DST: variants seen among roughly 807,000 people sequenced by gnomAD.
DST encodes bullous pemphigoid antigen.
Under a neutral mutation model 875.2 loss-of-function variants are expected in DST, and 253 were observed. The observed-to-expected ratio is 0.29, with a 90% CI of 0.26 to 0.32. The LOEUF (loss-of-function observed/expected upper bound fraction) is 0.32. DST is among the 10% of genes least tolerant of loss of function. The pLI is 1.00. For missense variants in DST, 8,287 were observed against 9,111.6 expected (o/e 0.91, Z 3.68); for synonymous variants, 3,124 against 3,197.1 (o/e 0.98, Z 0.77).
chr6:56,627,228 T>G lies in DST; in HGVS notation c.4698A>C (p.Ala1566=), dbSNP rs1178251392. The G allele has an allele frequency of 1.2e-6, 2 of 1,612,620 alleles. No individual in the cohort carries two copies. The highest frequency in any genetic ancestry group is 2.2e-5 in the South Asian group (2 of 91,058). ...QSKMDECQKY[A]EQYSATVKDY... ...CCTTCACTGTAGCTGAGTACTGTTC[T>G]GCATATTTTTGACACTCGTCCATTT... The change falls in exon 34 of 104, where the codon GCA becomes GCC. Residue 1566 remains alanine (A), a synonymous_variant. Transcript: ENST00000680361.
intron 3 of DST, among the ~76,000 whole-genome samples, chr6:56,881,779 T>TA (rs556365701): frequency 0.062 from 9,090 of 147,698 alleles, 667 homozygotes; most frequent in African/African-American, 0.18. Context: ...TCTTTATTGG[T>TA]AAAAAAAAAA....
At chr6:56,828,382 C>G (rs2099783296) in intron 4 of DST, among the ~76,000 whole-genome samples, 1 of 152,234 alleles carries the variant, frequency 6.6e-6, no homozygotes, top group African/African-American at 2.4e-5. Context: ...AATGTACTAT[C>G]ACCAACATAA....
At chr6:56,634,045 T>A in intron 27 of DST, 87 bp downstream of exon 27, 1 of 1,508,008 alleles carries the variant, frequency 6.6e-7, no homozygotes, top group South Asian at 1.1e-5. Flanking sequence ...TCCATCCTAT[T>A]CTAAAGCAAA....
intron 3 of DST, among the ~76,000 whole-genome samples, chr6:56,858,697 A>T (rs76420406): frequency 0.017 from 2,531 of 152,258 alleles, 72 homozygotes; most frequent in African/African-American, 0.057. Context: ...CCCAATAGGG[A>T]TATCACTTTG....
At chr6:56,776,624 T>A (rs755729958) in intron 4 of DST, among the ~76,000 whole-genome samples, 24 of 152,286 alleles carry the variant, frequency 1.6e-4, no homozygotes, top group Non-Finnish European at 2.4e-4. Context: ...TCTAAAGTAT[T>A]CTAAAATTAA....
chr6:56,803,231 C>A (rs2153024797), intron 4 of DST, among the ~76,000 whole-genome samples: 1 of 152,326 alleles, frequency 6.6e-6, no homozygotes, highest in Non-Finnish European at 1.5e-5. Flanking sequence ...CTACCATTAA[C>A]TGTAGAACAA....
Position 56,616,795 on chromosome 6 carries a change from T to C in DST, c.4930-2311A>G, listed in dbSNP as rs761923573. The C allele has an allele frequency of 5.4e-5, 87 of 1,614,074 alleles. No homozygotes were observed. Among genetic ancestry groups the C allele is most frequent in the Non-Finnish European group, 7.3e-5 (86 of 1,180,034 alleles). ...TTTCCATAGCTTGAAACACTGACAA[T>C]GTCTTAGAAGAATAAGAATATCCCA... is the stretch of plus-strand genomic sequence containing the variant. On this transcript the variant is annotated intron_variant, in intron 36 of 103. Coordinates refer to ENST00000680361, the MANE Select transcript of DST (RefSeq NM_001374736.1).
intron 4 of DST, among the ~76,000 whole-genome samples, chr6:56,783,211 G>A (rs898086108): frequency 6.6e-6 from 1 of 152,194 alleles, no homozygotes; most frequent in African/African-American, 2.4e-5. Flanking sequence ...TTGATTTGGG[G>A]TGGAGAGTTC....
At chr6:56,788,877 A>T (rs1476868967) in intron 4 of DST, among the ~76,000 whole-genome samples, 2 of 152,160 alleles carry the variant, frequency 1.3e-5, no homozygotes, top group Non-Finnish European at 2.9e-5. Context: ...TAAACTTGTT[A>T]AACTTTTGTA....
intron 2 of DST, among the ~76,000 whole-genome samples, chr6:56,916,294 G>C (rs17752412): frequency 0.19 from 29,336 of 152,100 alleles, 3,015 homozygotes; most frequent in Middle Eastern, 0.26. Context: ...TGAGTGTCCT[G>C]TTGTTGCACA....
At chr6:56,854,553 G>T (rs995571656) in intron 3 of DST, among the ~76,000 whole-genome samples, 1 of 152,080 alleles carries the variant, frequency 6.6e-6, no homozygotes, top group African/African-American at 2.4e-5. Context: ...CATAAAGAAT[G>T]ATTTCTTAAA....
intron 4 of DST, among the ~76,000 whole-genome samples, chr6:56,802,539 A>G (rs950152026): frequency 3.3e-5 from 5 of 152,200 alleles, no homozygotes; most frequent in African/African-American, 1.2e-4. Flanking sequence ...AATTATATCA[A>G]ATATTGACTC....
intron 61 of DST, among the ~76,000 whole-genome samples, chr6:56,542,100 C>T (rs1294319046): frequency 1.8e-4 from 28 of 152,164 alleles, no homozygotes; most frequent in Non-Finnish European, 1.5e-5. Context: ...GGTAAATAAA[C>T]CATGCTCCAG....
intron 4 of DST, among the ~76,000 whole-genome samples, chr6:56,836,430 A>G (rs897073995): frequency 6.6e-6 from 1 of 152,222 alleles, no homozygotes; most frequent in African/African-American, 2.4e-5. Flanking sequence ...TTGCAATTTT[A>G]AATTAAAATT....
At chr6:56,850,543 A>G (rs149263283) in intron 4 of DST, among the ~76,000 whole-genome samples, 1 of 152,336 alleles carries the variant, frequency 6.6e-6, no homozygotes, top group East Asian at 1.9e-4. Context: ...CCTTTGCAAG[A>G]AAGTCCCCAA....
At chr6:56,614,736 AAT>A in intron 36 of DST, 2 of 1,089,324 alleles carry the variant, frequency 1.8e-6, no homozygotes, top group Non-Finnish European at 2.2e-6. Flanking sequence ...CTGTTCCATC[AAT>A]GTTACAAATT....
chr6:56,560,203 A>C, intron 58 of DST, 91 bp downstream of exon 58: 1 of 1,215,342 alleles, frequency 8.2e-7, no homozygotes, highest in South Asian at 2.4e-5. Context: ...AAAATAAGTG[A>C]CTGTTGAATG....
rs536837556 is a variant in DST at position 56,829,472 on chromosome 6, T to C, written c.625+21925A>G. On this transcript the variant is annotated intron_variant, in intron 4 of 103. Coordinates refer to ENST00000680361, the MANE Select transcript of DST (RefSeq NM_001374736.1). ...CAGTCTTGAAGCCTAGCACAAGTAA[T>C]GAAATACAAATGCAATAAATGATTG... Among the ~76,000 whole-genome samples, 97 of 152,298 alleles carry C rather than the reference T, an allele frequency of 6.4e-4. No individual in the cohort carries two copies. The Middle Eastern group carries it at 0.014, about 21-fold the overall frequency.
chr6:56,777,838 G>A (rs1351035680), intron 4 of DST, among the ~76,000 whole-genome samples: 2 of 151,792 alleles, frequency 1.3e-5, no homozygotes, highest in African/African-American at 4.9e-5. Flanking sequence ...CTGGACTACA[G>A]GCATATGCCA....
Sources: allele counts gnomAD v4.1 joint callset (sites outside exome capture counted in the v4.1 genomes callset), GRCh38; gene constraint gnomAD v4.1.1; transcripts MANE v1.5; gene names NCBI Gene and HGNC (gene_info 2026-07-23, HGNC 2026-07-21).